The following DCLK3 variants were observed in gnomAD, a reference collection of about 807,000 sequenced individuals.
DCLK3 encodes serine/threonine-protein kinase DCLK3.
DCLK3 carries 30 observed loss-of-function variants against 46.4 expected under a neutral mutation model. The ratio of observed to expected loss-of-function variants is 0.65; its 90% CI spans 0.48 to 0.88. The LOEUF (loss-of-function observed/expected upper bound fraction) is 0.88. DCLK3 is among the 40% of genes least tolerant of loss of function. The pLI is 0.00. For synonymous variants in DCLK3, 401 were observed against 339.2 expected (o/e 1.18, Z -2.00); for missense variants, 846 against 907.1 (o/e 0.93, Z 0.87).
rs1045653494 is a variant in DCLK3, at chr3:36,715,320, G to T, written c.*8C>A. On this transcript the variant is annotated 3_prime_UTR_variant, in exon 5 of 5. Transcript: ENST00000636136. ...AACTGGGGGCTGGACAGATTCCCAA[G>T]GTGGTGACTATGATACCTGCTCCAC... 1 of 1,613,884 alleles carries T rather than the reference G, an allele frequency of 6.2e-7. No homozygotes were observed. The highest frequency in any genetic ancestry group is 8.5e-7 in the Non-Finnish European group (1 of 1,179,990).
At chr3:36,720,635 G>A (rs1234726877) in intron 3 of DCLK3, among the ~76,000 whole-genome samples, 1 of 151,838 alleles carries the variant, frequency 6.6e-6, no homozygotes, top group Non-Finnish European at 1.5e-5. Context: ...CTCCCGAGTA[G>A]CTCAGATTAC....
chr3:36,748,024 C>A (rs1231093281), intron 1 of DCLK3, among the ~76,000 whole-genome samples: 1 of 152,126 alleles, frequency 6.6e-6, no homozygotes, highest in Non-Finnish European at 1.5e-5. Context: ...GATCATAAAG[C>A]CCTTGGACTT....
At chr3:36,731,451 G>GCACA (rs55823722) in intron 2 of DCLK3, among the ~76,000 whole-genome samples, 1,615 of 148,638 alleles carry the variant, frequency 0.011, 37 homozygotes, top group East Asian at 9.9e-3. Context: ...CTTCGTGCGT[G>GCACA]CACACACACA....
At chr3:36,741,592 T>C (rs1015210251) in intron 1 of DCLK3, among the ~76,000 whole-genome samples, 2 of 152,084 alleles carry the variant, frequency 1.3e-5, no homozygotes, top group Non-Finnish European at 2.9e-5. Context: ...AAGATTTGAG[T>C]TGGGTTTTCA....
At chr3:36,715,594 T>C in intron 4 of DCLK3, 73 bp from the exon 5 acceptor site, 2 of 1,476,826 alleles carry the variant, frequency 1.4e-6, no homozygotes, top group Non-Finnish European at 9.0e-7. Context: ...ACACATGAAA[T>C]AAGAACATAA....
chr3:36,750,319 T>C (rs1167901038), intron 1 of DCLK3, among the ~76,000 whole-genome samples: 1 of 152,208 alleles, frequency 6.6e-6, no homozygotes, highest in Non-Finnish European at 1.5e-5. Context: ...TGTCCTCAAG[T>C]GATCCACCCA....
chr3:36,746,460 C>T (rs922999141), intron 1 of DCLK3, among the ~76,000 whole-genome samples: 3 of 152,152 alleles, frequency 2.0e-5, no homozygotes, highest in Non-Finnish European at 4.4e-5. Flanking sequence ...TATCCCTGAC[C>T]ACACGATAAT....
rs990303615 is a variant in DCLK3 at position 36,738,978 on chromosome 3, T to C, written c.189A>G (p.Lys63=). The C allele has an allele frequency of 5.0e-6, 2 of 399,354 alleles. No homozygotes were observed. Among genetic ancestry groups the C allele is most frequent in the Non-Finnish European group, 8.8e-6 (2 of 226,370 alleles). 24.7% of individuals were successfully genotyped at this position (399,354 alleles called of 1,614,324 possible). A position where few individuals can be genotyped will look rare whatever the true frequency, so the allele number is the denominator to read the frequency against. ...CGGGGCCACGCGGCCCCAGGAATGG[T>C]TTCTCCAGATTCCCTCGGCTGGCAG... ...WLPASRGNLE[K]PFLGPRGPVV... is the part of the protein sequence containing the mutation. Residue 63 remains lysine (K), a synonymous_variant, in exon 2 of 5, where the codon AAA becomes AAG. Transcript: ENST00000636136.
At chr3:36,733,685 T>G (rs1283498676) in intron 2 of DCLK3, among the ~76,000 whole-genome samples, 1 of 152,222 alleles carries the variant, frequency 6.6e-6, no homozygotes, top group Non-Finnish European at 1.5e-5. Context: ...GAAATTCTTA[T>G]AATTAAAACT....
intron 2 of DCLK3, among the ~76,000 whole-genome samples, chr3:36,728,468 C>T (rs915868631): frequency 6.6e-6 from 1 of 152,154 alleles, no homozygotes; most frequent in African/African-American, 2.4e-5. Flanking sequence ...GAGCAGCATC[C>T]AGCCGGCTGG....
At position 36,743,998 on chromosome 3, in the gene DCLK3, G is replaced by C. The variant is rs79384794; in HGVS notation, c.83-4914C>G. ...AAAGCAAAATTTAGCACAAATGCCT[G>C]AGACCAATACCTAGCACAGAATGTG... is the stretch of plus-strand genomic sequence containing the variant. On this transcript the variant is annotated intron_variant, in intron 1 of 4. Transcript: ENST00000636136. 6.8e-3 allele frequency among the ~76,000 whole-genome samples: 1,032 copies of C among 152,332 alleles called. 16 individuals are homozygous for C. The highest frequency in any genetic ancestry group is 0.024 in the African/African-American group (992 of 41,576).
intron 2 of DCLK3, among the ~76,000 whole-genome samples, chr3:36,732,517 G>A (rs1168010546): frequency 6.6e-6 from 1 of 152,164 alleles, no homozygotes; most frequent in Non-Finnish European, 1.5e-5. Context: ...GTTCTCCAGA[G>A]GAGTTCAATC....
chr3:36,715,480 T>G lies in DCLK3; in HGVS notation c.2302A>C (p.Lys768Gln), dbSNP rs1293060008. Residue 768 changes from lysine to glutamine, a missense_variant, in exon 5 of 5, where the codon AAA becomes CAA. Coordinates refer to ENST00000636136, the MANE Select transcript of DCLK3 (RefSeq NM_001394672.2). Reference protein sequence around the residue: ...LVSRLLVVDPKKRYTAHQVLQ... With the variant: ...LVSRLLVVDPQKRYTAHQVLQ... ...ACCTGATGAGCTGTGTAGCGCTTTT[T>G]GGGGTCTACCACCAGCAACCGGCTC... 1 of 1,572,844 alleles carries G rather than the reference T, an allele frequency of 6.4e-7. No individual in the cohort carries two copies. The highest frequency in any genetic ancestry group is 8.6e-7 in the Non-Finnish European group (1 of 1,160,840).
At chr3:36,762,091 A>C (rs775797341) in intron 1 of DCLK3, among the ~76,000 whole-genome samples, 14 of 152,140 alleles carry the variant, frequency 9.2e-5, no homozygotes, top group South Asian at 2.1e-4. Flanking sequence ...ATGATCATTG[A>C]GTACTGTGTG....
At chr3:36,718,871 C>T (rs1339478933) in intron 3 of DCLK3, among the ~76,000 whole-genome samples, 1 of 152,046 alleles carries the variant, frequency 6.6e-6, no homozygotes, top group Non-Finnish European at 1.5e-5. Flanking sequence ...GACATGTATA[C>T]TTTTCTAAAT....
At chr3:36,735,544 A>G (rs978281709) in intron 2 of DCLK3, among the ~76,000 whole-genome samples, 3 of 152,232 alleles carry the variant, frequency 2.0e-5, no homozygotes, top group Admixed American at 2.0e-4. Context: ...CAGTTTACAG[A>G]CAGGCAAATG....
rs1184679583 is a variant in DCLK3 at position 36,712,953 on chromosome 3, A to C, written c.*2375T>G. ...AATTTCTGCTGGGTAAACATCTAGA[A>C]GTGGAATATCATATGGTAGGTACAT... On this transcript the variant is annotated 3_prime_UTR_variant, in exon 5 of 5. Coordinates refer to ENST00000636136, the MANE Select transcript of DCLK3 (RefSeq NM_001394672.2). The C allele has an allele frequency of 6.6e-6, 1 of 152,210 alleles. No individual in the cohort carries two copies. Among genetic ancestry groups the C allele is most frequent in the Admixed American group, 6.5e-5 (1 of 15,282 alleles). The allele number at this position is 152,210 out of a possible 1,614,324, so 9.4% of individuals were successfully genotyped here. A position where few individuals can be genotyped will look rare whatever the true frequency, so the allele number is the denominator to read the frequency against.
intron 2 of DCLK3, among the ~76,000 whole-genome samples, chr3:36,730,110 G>T (rs540506129): frequency 1.3e-5 from 2 of 152,128 alleles, no homozygotes; most frequent in South Asian, 4.2e-4. Context: ...GGCGGAGGTT[G>T]CAGTGAGCTG....
intron 1 of DCLK3, among the ~76,000 whole-genome samples, chr3:36,756,543 G>A (rs1300755583): frequency 6.6e-6 from 1 of 152,218 alleles, no homozygotes; most frequent in East Asian, 1.9e-4. Context: ...CACAAATGGA[G>A]AGACCCAAGC....
Sources: gnomAD v4.1 joint callset for allele counts (sites outside exome capture counted in the v4.1 genomes callset) on GRCh38, gnomAD v4.1.1 for gene constraint, MANE v1.5 for transcripts, NCBI Gene and HGNC (gene_info 2026-07-23, HGNC 2026-07-21) for gene names.